The following PPP2R2B variants were observed in gnomAD, a reference collection of about 807,000 sequenced individuals.
PPP2R2B encodes protein phosphatase 2 regulatory subunit Bbeta.
In PPP2R2B, 5 loss-of-function variants were observed where a neutral mutation model predicts 46.0. The observed-to-expected ratio is 0.11, with a 90% CI of 0.06 to 0.23. PPP2R2B has a LOEUF of 0.23. PPP2R2B is among the 10% of genes least tolerant of loss of function. The pLI is 1.00. For synonymous variants in PPP2R2B, 215 were observed against 206.7 expected (o/e 1.04, Z -0.34); for missense variants, 367 against 575.0 (o/e 0.64, Z 3.70).
chr5:146,967,603 G>C lies in PPP2R2B; in HGVS notation c.79+88062C>G, dbSNP rs557551179. On this transcript the variant is annotated intron_variant, in intron 1 of 8. Transcript: ENST00000336640. ...TGGCCATCCTAGGGGACTATATCCA[G>C]GACATTTCCTTTGCTGACATCAGGT... Among the ~76,000 whole-genome samples, 12 of 152,214 alleles carry C rather than the reference G, an allele frequency of 7.9e-5. 1 individual carries two copies. The South Asian group carries it at 2.5e-3, about 32-fold the overall frequency.
In PPP2R2B at chr5:146,617,807, G is replaced by A. The variant is rs531250239; in HGVS notation, c.791-17347C>T. ...CCTCCTGGGTTCAAGCGATTCTTGT[G>A]CCTCAGCCTCCCCAGTAGCTGGGAT... On this transcript the variant is annotated intron_variant, in intron 7 of 9. Transcript: ENST00000394411. 9.2e-5 allele frequency among the ~76,000 whole-genome samples: 14 copies of A among 151,830 alleles called. No individual in the cohort carries two copies. In the South Asian group the frequency reaches 2.3e-3, roughly 25 times the overall value.
chr5:146,802,820 G>A (rs1228907789), intron 2 of PPP2R2B, among the ~76,000 whole-genome samples: 2 of 152,248 alleles, frequency 1.3e-5, no homozygotes, highest in East Asian at 3.9e-4. Flanking sequence ...TTTAACTTGT[G>A]CCCCAAGGCT....
At chr5:146,660,286 A>G (rs764809957) in intron 5 of PPP2R2B, among the ~76,000 whole-genome samples, 5 of 152,238 alleles carry the variant, frequency 3.3e-5, no homozygotes, top group Non-Finnish European at 7.3e-5. Context: ...CAGTAGGAAG[A>G]ATGCCAGTCA....
At chr5:146,837,909 G>A (rs557641510) in intron 2 of PPP2R2B, among the ~76,000 whole-genome samples, 20 of 152,252 alleles carry the variant, frequency 1.3e-4, no homozygotes, top group Admixed American at 5.2e-4. Context: ...AACTGATTAA[G>A]CAGGGACCTG....
intron 1 of PPP2R2B, among the ~76,000 whole-genome samples, chr5:146,889,080 C>T (rs1369958141): frequency 6.6e-6 from 1 of 152,136 alleles, no homozygotes; most frequent in Non-Finnish European, 1.5e-5. Flanking sequence ...GTGCCTGGCA[C>T]TACTAGTTAT....
chr5:146,933,927 C>T (rs192762347), intron 1 of PPP2R2B, among the ~76,000 whole-genome samples: 2,431 of 149,712 alleles, frequency 0.016, 30 homozygotes, highest in Admixed American at 0.045. Flanking sequence ...TGAGAACATG[C>T]GGTGTTTGGT....
At chr5:146,951,521 C>T (rs1184983564) in intron 1 of PPP2R2B, among the ~76,000 whole-genome samples, 1 of 151,896 alleles carries the variant, frequency 6.6e-6, no homozygotes, top group Non-Finnish European at 1.5e-5. Flanking sequence ...CCGACAGGTC[C>T]CTCCCAATAG....
intron 2 of PPP2R2B, among the ~76,000 whole-genome samples, chr5:146,728,041 C>T (rs1365494482): frequency 6.6e-6 from 1 of 150,782 alleles, no homozygotes; most frequent in Non-Finnish European, 1.5e-5. Flanking sequence ...TCTCAGTTTT[C>T]TGTAATAAGC....
rs373591436 is a variant in PPP2R2B at position 146,684,453 on chromosome 5, C to T, written c.447+6675G>A. Reference sequence around the variant, plus strand: ...AAAGGCTATAGACAGACAGAACGTGCTTCATTCCCAGTTCTGCCTCTTTCT... The same window carrying T: ...AAAGGCTATAGACAGACAGAACGTGTTTCATTCCCAGTTCTGCCTCTTTCT... On this transcript the variant is annotated intron_variant, in intron 5 of 9. Coordinates refer to ENST00000394411, the MANE Select transcript of PPP2R2B (RefSeq NM_181675.4). 2.9e-3 allele frequency among the ~76,000 whole-genome samples: 448 copies of T among 152,326 alleles called. 4 individuals carry two copies. The highest frequency in any genetic ancestry group is 6.8e-3 in the Middle Eastern group (2 of 294).
intron 2 of PPP2R2B, among the ~76,000 whole-genome samples, chr5:146,803,566 T>G (rs1370097207): frequency 6.6e-6 from 1 of 152,198 alleles, no homozygotes; most frequent in African/African-American, 2.4e-5. Flanking sequence ...AAATATTATA[T>G]TCTAGCTAAG....
intron 2 of PPP2R2B, among the ~76,000 whole-genome samples, chr5:146,805,703 A>G (rs1035338576): frequency 1.3e-5 from 2 of 152,126 alleles, no homozygotes; most frequent in African/African-American, 4.8e-5. Flanking sequence ...TAAAAGTGGT[A>G]TTTTACGTAA....
At chr5:146,706,296 T>G in intron 2 of PPP2R2B, 1 of 530,290 alleles carries the variant, frequency 1.9e-6, no homozygotes, top group Non-Finnish European at 3.5e-6. Flanking sequence ...CTGGTGCGGC[T>G]GAAGGAGCTG....
Position 146,708,733 on chromosome 5 carries a change from G to T in PPP2R2B, c.71-7591C>A, listed in dbSNP as rs186418357. 3.1e-3 allele frequency among the ~76,000 whole-genome samples: 478 copies of T among 152,216 alleles called. 8 individuals are homozygous for T. The highest frequency in any genetic ancestry group is 0.011 in the African/African-American group (449 of 41,550). On this transcript the variant is annotated intron_variant, in intron 2 of 9. Coordinates refer to ENST00000394411, the MANE Select transcript of PPP2R2B (RefSeq NM_181675.4). The stretch of plus-strand genomic sequence containing the variant: ...TATTTTCTTAGTACACAGAGTCAAA[G>T]ATTTTTTTTAATCTTTCTGTCTAGA...
At chr5:146,710,972 G>A (rs187699395) in intron 2 of PPP2R2B, among the ~76,000 whole-genome samples, 1 of 151,408 alleles carries the variant, frequency 6.6e-6, no homozygotes, top group Non-Finnish European at 1.5e-5. Context: ...TTTGGGACTG[G>A]CTCAGGTATC....
chr5:146,605,215 T>C (rs1369176464), intron 7 of PPP2R2B, among the ~76,000 whole-genome samples: 2 of 152,224 alleles, frequency 1.3e-5, no homozygotes, highest in Non-Finnish European at 2.9e-5. Flanking sequence ...TTGAACTCAG[T>C]ATACTTCCAG....
chr5:146,798,613 A>G (rs1232668181), intron 2 of PPP2R2B, among the ~76,000 whole-genome samples: 1 of 152,222 alleles, frequency 6.6e-6, no homozygotes, highest in Non-Finnish European at 1.5e-5. Context: ...AACACCTAAC[A>G]TAATCTAACA....
rs1485150606 is a variant in PPP2R2B at position 146,613,859 on chromosome 5, A to G, written c.791-13399T>C. 2.1e-5 allele frequency among the ~76,000 whole-genome samples: 3 copies of G among 141,332 alleles called. 1 individual carries two copies. Among genetic ancestry groups the G allele is most frequent in the African/African-American group, 8.7e-5 (3 of 34,304 alleles). 92.7% of individuals were successfully genotyped at this position (141,332 alleles called of 152,430 possible). ...CTCAAGGAAATAAAAGAGGACACAAACAAATGGAAGAACATTCCATGCTCA... is the reference window on the plus strand; with the variant it reads ...CTCAAGGAAATAAAAGAGGACACAAGCAAATGGAAGAACATTCCATGCTCA... On this transcript the variant is annotated intron_variant, in intron 7 of 9. Transcript: ENST00000394411.
At chr5:146,971,021 T>C (rs1403786541) in intron 1 of PPP2R2B, among the ~76,000 whole-genome samples, 1 of 152,228 alleles carries the variant, frequency 6.6e-6, no homozygotes, top group East Asian at 1.9e-4. Flanking sequence ...AAAGTCTATT[T>C]TAAAATTATA....
rs540846416 is a variant in PPP2R2B at position 146,710,639 on chromosome 5, A to G, written c.71-9497T>C. 3.2e-4 allele frequency among the ~76,000 whole-genome samples: 48 copies of G among 152,346 alleles called. 1 individual carries two copies. Among genetic ancestry groups the G allele is most frequent in the Middle Eastern group, 6.8e-3 (2 of 294 alleles). On this transcript the variant is annotated intron_variant, in intron 2 of 9. Coordinates refer to ENST00000394411, the MANE Select transcript of PPP2R2B (RefSeq NM_181675.4). ...GGAATCTGCTGTCAAGGTGTTTACC[A>G]TCTGTCACCCAATTTTTCAAAAAGC...
Sources: allele counts gnomAD v4.1 joint callset (sites outside exome capture counted in the v4.1 genomes callset), GRCh38; gene constraint gnomAD v4.1.1; transcripts MANE v1.5; gene names NCBI Gene and HGNC (gene_info 2026-07-23, HGNC 2026-07-21).